CYTH3: variants seen among roughly 807,000 people sequenced by gnomAD.
CYTH3 encodes the protein cytohesin-3.
CYTH3 carries 23 observed loss-of-function variants against 55.1 expected under a neutral mutation model. The observed-to-expected ratio is 0.42, with a 90% CI of 0.30 to 0.59. CYTH3 has a LOEUF of 0.59. CYTH3 is among the 20% of genes least tolerant of loss of function. The pLI is 0.20. For synonymous variants in CYTH3, 249 were observed against 194.9 expected (o/e 1.28, Z -2.31); for missense variants, 413 against 524.8 (o/e 0.79, Z 2.08).
intron 4 of CYTH3, among the ~76,000 whole-genome samples, chr7:6,184,822 C>T (rs1213164489): frequency 1.3e-5 from 2 of 152,216 alleles, no homozygotes; most frequent in Non-Finnish European, 2.9e-5. Flanking sequence ...AGGTGATCTG[C>T]CCAACTGGGC....
At chr7:6,200,254 A>G (rs1484929335) in intron 1 of CYTH3, among the ~76,000 whole-genome samples, 1 of 152,226 alleles carries the variant, frequency 6.6e-6, no homozygotes, top group African/African-American at 2.4e-5. Context: ...GCAGCTTTCT[A>G]GTTTACTGCT....
At chr7:6,165,229 GCA>G in intron 12 of CYTH3, 42 bp downstream of exon 12, 1 of 1,583,852 alleles carries the variant, frequency 6.3e-7, no homozygotes, top group Non-Finnish European at 8.6e-7. Flanking sequence ...CCTCCAACCG[GCA>G]CGAGAAGACG....
In CYTH3 at chr7:6,162,615, C is replaced by G. The variant is rs556219301; in HGVS notation, c.*2329G>C. On this transcript the variant is annotated 3_prime_UTR_variant, in exon 13 of 13. Coordinates refer to ENST00000350796, the MANE Select transcript of CYTH3 (RefSeq NM_004227.4). Reference sequence around the variant, plus strand: ...GCACAGCCTTCATGCTAATACTGTCCTAACACAGCCTGGAGCTAGGCGATT... The same window carrying G: ...GCACAGCCTTCATGCTAATACTGTCGTAACACAGCCTGGAGCTAGGCGATT... The G allele has an allele frequency of 1.7e-3, 254 of 152,396 alleles. 1 individual carries two copies. The highest frequency in any genetic ancestry group is 2.8e-3 in the Non-Finnish European group (188 of 68,064). 9.4% of individuals were successfully genotyped at this position (152,396 alleles called of 1,614,324 possible). A position where few individuals can be genotyped will look rare whatever the true frequency, so the allele number is the denominator to read the frequency against.
In CYTH3 at chr7:6,171,047, G is replaced by A; in HGVS notation, c.563-69C>T. Reference sequence around the variant, plus strand: ...GGACAGTGGGACCCCGCGTGCTGGGGGCCCGCCTGCAAGAGGTGCCCGGCC... The same window carrying A: ...GGACAGTGGGACCCCGCGTGCTGGGAGCCCGCCTGCAAGAGGTGCCCGGCC... On this transcript the variant is annotated intron_variant, in intron 7 of 12. Coordinates refer to ENST00000350796, the MANE Select transcript of CYTH3 (RefSeq NM_004227.4). The surrounding 1 kb of genome is among the most constrained non-coding windows in gnomAD (Gnocchi z 6.7). The A allele has an allele frequency of 1.2e-6, 2 of 1,601,028 alleles. No individual in the cohort carries two copies. The highest frequency in any genetic ancestry group is 1.1e-5 in the South Asian group (1 of 90,112).
intron 4 of CYTH3, among the ~76,000 whole-genome samples, chr7:6,178,964 A>C (rs528452556): frequency 1.0e-3 from 154 of 152,326 alleles, no homozygotes; most frequent in African/African-American, 3.3e-3. Flanking sequence ...GGGAATTCAG[A>C]AATCAATTTG....
chr7:6,184,023 C>G (rs1783572840), intron 4 of CYTH3, among the ~76,000 whole-genome samples: 1 of 141,632 alleles, frequency 7.1e-6, no homozygotes, highest in Non-Finnish European at 1.5e-5. Flanking sequence ...AAATACATTT[C>G]CATTGTTTAC....
intron 2 of CYTH3, among the ~76,000 whole-genome samples, chr7:6,188,163 C>CA (rs959186759): frequency 2.6e-5 from 4 of 151,512 alleles, no homozygotes; most frequent in Admixed American, 6.6e-5. Flanking sequence ...CTCATTGCTA[C>CA]AAAAAAGAAA....
intron 1 of CYTH3, among the ~76,000 whole-genome samples, chr7:6,202,341 A>G (rs1345979019): frequency 6.6e-6 from 1 of 152,230 alleles, no homozygotes; most frequent in Non-Finnish European, 1.5e-5. Flanking sequence ...GGACGGGCTC[A>G]GCCCCCGGCT....
rs1782964703 is a variant in CYTH3 at position 6,165,364 on chromosome 7, C to T, written c.1036G>A (p.Ala346Thr). Residue 346 changes from alanine to threonine, a missense_variant, in exon 12 of 13, where the codon GCC becomes ACC. This residue lies in a region of CYTH3 where 98 missense variants were observed against 115.2 expected (regional missense o/e 0.85). Transcript: ENST00000350796. ...TTCCCCTCTACCACGCGGCCGTCGG[C>T]CTCAGTCTTACAGGCCTTGATGACC... ...GQVIKACKTE[A>T]DGRVVEGNHV... The T allele has an allele frequency of 6.2e-7, 1 of 1,614,184 alleles. No individual in the cohort carries two copies. Among genetic ancestry groups the T allele is most frequent in the Non-Finnish European group, 8.5e-7 (1 of 1,180,024 alleles).
rs182493530 is a variant in CYTH3 at position 6,176,455 on chromosome 7, G to T, written c.368+1368C>A. Among the ~76,000 whole-genome samples, 198 of 151,752 alleles carry T rather than the reference G, an allele frequency of 1.3e-3. 1 individual carries two copies. Among genetic ancestry groups the T allele is most frequent in the South Asian group, 9.8e-3 (47 of 4,792 alleles). Reference sequence around the variant, plus strand: ...TTTTTGTGTTTTTAGTAGAGGTGAGGTTTCACCATGTTAGCCAGGATGGTC... The same window carrying T: ...TTTTTGTGTTTTTAGTAGAGGTGAGTTTTCACCATGTTAGCCAGGATGGTC... On this transcript the variant is annotated intron_variant, in intron 5 of 12. Coordinates refer to ENST00000350796, the MANE Select transcript of CYTH3 (RefSeq NM_004227.4).
At chr7:6,226,272 T>C (rs1323610382) in intron 1 of CYTH3, among the ~76,000 whole-genome samples, 1 of 152,158 alleles carries the variant, frequency 6.6e-6, no homozygotes, top group African/African-American at 2.4e-5. Context: ...AATGCTTTGA[T>C]TAGAAAGCAC....
chr7:6,180,879 C>G (rs915750315), intron 4 of CYTH3, among the ~76,000 whole-genome samples: 1 of 152,082 alleles, frequency 6.6e-6, no homozygotes, highest in African/African-American at 2.4e-5. Flanking sequence ...TATTAATACC[C>G]AAGTGTCTGT....
Position 6,170,327 on chromosome 7 carries a change from C to T in CYTH3, c.823+208G>A. 3.4e-6 allele frequency: 2 copies of T among 580,480 alleles called. No individual in the cohort carries two copies. The highest frequency in any genetic ancestry group is 6.1e-6 in the Non-Finnish European group (2 of 329,544). 36.0% of individuals were successfully genotyped at this position (580,480 alleles called of 1,614,324 possible). ...GGCCGTGCAGCCTGGGCGCTACTCT[C>T]TGCCGCGGGCATGGCTCTGAGGCCC... On this transcript the variant is annotated intron_variant, in intron 9 of 12. Transcript: ENST00000350796. This position sits in a 1 kb window ranked among gnomAD's most constrained non-coding sequence, Gnocchi z 7.8.
At chr7:6,227,056 G>T (rs997945818) in intron 1 of CYTH3, among the ~76,000 whole-genome samples, 3 of 150,808 alleles carry the variant, frequency 2.0e-5, no homozygotes, top group Non-Finnish European at 2.9e-5. Flanking sequence ...CTCCAGCCTG[G>T]GCAACAGAGC....
chr7:6,165,578 G>A lies in CYTH3; in HGVS notation c.939C>T (p.Leu313=). The change falls in exon 11 of 13, where the codon CTC becomes CTT. Residue 313 remains leucine (L), a synonymous_variant. Transcript: ENST00000350796. Reference sequence around the variant, plus strand: ...GGGGGTCCTCCACCTCCCTGATGCTGAGGTTTTCCAACGGGATGATTCCCC... The same window carrying A: ...GGGGGTCCTCCACCTCCCTGATGCTAAGGTTTTCCAACGGGATGATTCCCC... ...EPRGIIPLEN[L]SIREVEDPRK... The A allele has an allele frequency of 6.2e-7, 1 of 1,614,122 alleles. No homozygotes were observed. The highest frequency in any genetic ancestry group is 1.3e-5 in the African/African-American group (1 of 75,044).
intron 4 of CYTH3, among the ~76,000 whole-genome samples, chr7:6,182,538 T>C (rs1317367554): frequency 1.3e-5 from 2 of 152,058 alleles, no homozygotes; most frequent in East Asian, 3.9e-4. Context: ...AGACAAAGTC[T>C]TACTGTCACC....
intron 4 of CYTH3, among the ~76,000 whole-genome samples, chr7:6,179,603 C>CAGTAG: frequency 1.1e-5 from 1 of 93,246 alleles, no homozygotes; most frequent in South Asian, 2.9e-4. Flanking sequence ...CACACACACA[C>CAGTAG]CACACACCAC....
intron 11 of CYTH3, 51 bp from the exon 12 acceptor site, chr7:6,165,478 C>T: frequency 6.2e-7 from 1 of 1,608,968 alleles, no homozygotes; most frequent in Non-Finnish European, 8.5e-7. Context: ...GGGGCAGGTT[C>T]CCTGCAGGCA....
At chr7:6,185,118 A>G (rs910150804) in intron 4 of CYTH3, among the ~76,000 whole-genome samples, 2 of 152,218 alleles carry the variant, frequency 1.3e-5, no homozygotes, top group African/African-American at 4.8e-5. Context: ...CTGTTACCCA[A>G]AATATCAAAT....
Sources: gnomAD v4.1 joint callset for allele counts (sites outside exome capture counted in the v4.1 genomes callset) on GRCh38, gnomAD v4.1.1 for gene constraint, gnomAD v4.1.1 regional missense constraint, Gnocchi (gnomAD v3.1) non-coding constraint, MANE v1.5 for transcripts, NCBI Gene and HGNC (gene_info 2026-07-23, HGNC 2026-07-21) for gene names.